Variants in CCSAP observed in about 807,000 individuals in gnomAD.
CCSAP encodes centriole, cilia and spindle-associated protein.
A neutral mutation model predicts 25.9 loss-of-function variants in CCSAP; 17 were observed. The ratio of observed to expected loss-of-function variants is 0.66; its 90% CI spans 0.45 to 0.99. CCSAP has a LOEUF of 0.99. CCSAP is among the 50% of genes least tolerant of loss of function. The probability of loss-of-function intolerance (pLI) is 0.00; values close to 1 mark genes in which losing one functional copy is unlikely to be tolerated. For synonymous variants in CCSAP, 169 were observed against 157.1 expected (o/e 1.08, Z -0.57); for missense variants, 339 against 367.8 (o/e 0.92, Z 0.64).
In CCSAP at chr1:229,326,901, A is replaced by T. The variant is rs748419508; in HGVS notation, c.473T>A (p.Leu158Ter). The part of the protein sequence containing the change: ...STEPRQQPSA[L>*]FARGNRKAVK... ...CGCTTTCCTGTTTCCTCTAGCAAATAAGGCACTTGGTTGCTGTCGAGGCTC... is the reference window on the plus strand; with the variant it reads ...CGCTTTCCTGTTTCCTCTAGCAAATTAGGCACTTGGTTGCTGTCGAGGCTC... Residue 158 changes from leucine (L) to a stop codon, truncating the protein, a stop_gained, in exon 3 of 4, where the codon TTA becomes TAA. Coordinates refer to ENST00000284617, the MANE Select transcript of CCSAP (RefSeq NM_145257.5). LOFTEE classifies it high-confidence loss of function. The T allele has an allele frequency of 6.2e-7, 1 of 1,614,166 alleles. No homozygotes were observed. The highest frequency in any genetic ancestry group is 8.5e-7 in the Non-Finnish European group (1 of 1,180,026).
rs1657883043 is a variant in CCSAP, at chr1:229,323,952, T to G, written c.*1283A>C. Reference sequence around the variant, plus strand: ...CTTAGCACATATCCTTCTAGCAGATTCTTGTCTCCACAGGATGGAGAAGAC... The same window carrying G: ...CTTAGCACATATCCTTCTAGCAGATGCTTGTCTCCACAGGATGGAGAAGAC... On this transcript the variant is annotated 3_prime_UTR_variant, in exon 4 of 4. Coordinates refer to ENST00000284617, the MANE Select transcript of CCSAP (RefSeq NM_145257.5). 1 of 152,506 alleles carries G rather than the reference T, an allele frequency of 6.6e-6. No individual in the cohort carries two copies. Among genetic ancestry groups the G allele is most frequent in the Non-Finnish European group, 1.5e-5 (1 of 68,040 alleles). 9.4% of individuals were successfully genotyped at this position (152,506 alleles called of 1,614,324 possible). A position where few individuals can be genotyped will look rare whatever the true frequency, so the allele number is the denominator to read the frequency against.
At chr1:229,339,491 G>C (rs182472130) in intron 2 of CCSAP, among the ~76,000 whole-genome samples, 42 of 152,264 alleles carry the variant, frequency 2.8e-4, no homozygotes, top group Admixed American at 1.8e-3. Flanking sequence ...ATCCTTTCTT[G>C]GGAATCTACT....
intron 2 of CCSAP, among the ~76,000 whole-genome samples, chr1:229,331,125 C>A (rs1429300492): frequency 1.3e-5 from 2 of 152,116 alleles, no homozygotes; most frequent in Admixed American, 6.5e-5. Flanking sequence ...AGGTACCCAA[C>A]ACAAAAACTA....
At chr1:229,330,222 C>G (rs1658035356) in intron 2 of CCSAP, among the ~76,000 whole-genome samples, 1 of 152,142 alleles carries the variant, frequency 6.6e-6, no homozygotes, top group Non-Finnish European at 1.5e-5. Context: ...AGTGGATGGT[C>G]ATGCTGTCCT....
At chr1:229,340,361 T>C (rs1249844052) in intron 2 of CCSAP, 1 of 714,844 alleles carries the variant, frequency 1.4e-6, no homozygotes, top group Non-Finnish European at 2.6e-6. Flanking sequence ...GAGGACGCTA[T>C]ATTTAAGGAA....
Position 229,342,070 on chromosome 1 carries a change from C to A in CCSAP, c.367+29G>T. On this transcript the variant is annotated intron_variant, in intron 2 of 3. Transcript: ENST00000284617. This position sits in a 1 kb window ranked among gnomAD's most constrained non-coding sequence, Gnocchi z 7.5. ...AGAGCAAACCGTCCCTGCGTGCAGG[C>A]CCCTCGCGCTCCCCTCCGGGCCGGG... The A allele has an allele frequency of 2.3e-6, 3 of 1,320,166 alleles. No homozygotes were observed. Among genetic ancestry groups the A allele is most frequent in the Non-Finnish European group, 2.9e-6 (3 of 1,037,546 alleles). The allele number at this position is 1,320,166 out of a possible 1,614,324, so 81.8% of individuals were successfully genotyped here. A position where few individuals can be genotyped will look rare whatever the true frequency, so the allele number is the denominator to read the frequency against.
At position 229,321,908 on chromosome 1, in the gene CCSAP, CATT is replaced by C. The variant is rs1242413116; in HGVS notation, c.*3324_*3326del. 6.6e-6 allele frequency: 1 copy of C among 152,008 alleles called. No homozygotes were observed. The allele number at this position is 152,008 out of a possible 1,614,324, so 9.4% of individuals were successfully genotyped here. On this transcript the variant is annotated 3_prime_UTR_variant, in exon 4 of 4. Coordinates refer to ENST00000284617, the MANE Select transcript of CCSAP (RefSeq NM_145257.5). Reference sequence around the variant, plus strand: ...CATGTACAGGCTTTTTTTTCCTTGTCATTATTCCCTAAACAATATAGTATAACA... The same window carrying C: ...CATGTACAGGCTTTTTTTTCCTTGTCATTCCCTAAACAATATAGTATAACA...
rs754978160 is a variant in CCSAP at position 229,342,109 on chromosome 1, C to A, written c.357G>T (p.Ala119=). 11 of 1,345,490 alleles carry A rather than the reference C, an allele frequency of 8.2e-6. No individual in the cohort carries two copies. The Admixed American group carries it at 2.2e-4, about 27-fold the overall frequency. The allele number at this position is 1,345,490 out of a possible 1,614,324, so 83.3% of individuals were successfully genotyped here. ...GDAEAEDAED[A]ALPALPVKDV... Reference sequence around the variant, plus strand: ...CTCCGGGCCGGGTACCTGGCAGAGCCGCGTCCTCCGCGTCCTCGGCCTCCG... The same window carrying A: ...CTCCGGGCCGGGTACCTGGCAGAGCAGCGTCCTCCGCGTCCTCGGCCTCCG... Residue 119 remains alanine (A), a synonymous_variant, in exon 2 of 4, where the codon GCG becomes GCT. Transcript: ENST00000284617. This position sits in a 1 kb window ranked among gnomAD's most constrained non-coding sequence, Gnocchi z 7.5.
chr1:229,333,388 G>A (rs569367493), intron 2 of CCSAP, among the ~76,000 whole-genome samples: 20 of 137,746 alleles, frequency 1.5e-4, no homozygotes, highest in Non-Finnish European at 2.7e-4. Context: ...AGCCGAGATC[G>A]CGCCACTGCA....
chr1:229,333,957 C>A (rs546886922), intron 2 of CCSAP, among the ~76,000 whole-genome samples: 6 of 152,272 alleles, frequency 3.9e-5, no homozygotes, highest in Non-Finnish European at 8.8e-5. Flanking sequence ...TATTTCAGCA[C>A]CATTTTCCAA....
In CCSAP at chr1:229,342,391, C is replaced by G. The variant is rs748894195; in HGVS notation, c.75G>C (p.Pro25=). 2.0e-6 allele frequency: 3 copies of G among 1,498,140 alleles called. No individual in the cohort carries two copies. Among genetic ancestry groups the G allele is most frequent in the Non-Finnish European group, 8.9e-7 (1 of 1,121,148 alleles). 92.8% of individuals were successfully genotyped at this position (1,498,140 alleles called of 1,614,324 possible). A position where few individuals can be genotyped will look rare whatever the true frequency, so the allele number is the denominator to read the frequency against. Residue 25 remains proline (P), a synonymous_variant, in exon 2 of 4, where the codon CCG becomes CCC. Coordinates refer to ENST00000284617, the MANE Select transcript of CCSAP (RefSeq NM_145257.5). This position sits in a 1 kb window ranked among gnomAD's most constrained non-coding sequence, Gnocchi z 7.5. ...YQEPRWEEYG[P]CYRELLHYRL... is the part of the protein sequence containing the mutation. ...GGTAGTGCAGCAGCTCGCGGTAGCA[C>G]GGCCCGTACTCCTCCCAGCGCGGCT...
chr1:229,332,231 G>A (rs1558250628), intron 2 of CCSAP, among the ~76,000 whole-genome samples: 1 of 152,146 alleles, frequency 6.6e-6, no homozygotes, highest in Admixed American at 6.5e-5. Flanking sequence ...ACCTAAACGG[G>A]GATAATGGGA....
At chr1:229,339,158 AGTTT>A in intron 2 of CCSAP, among the ~76,000 whole-genome samples, 1 of 152,142 alleles carries the variant, frequency 6.6e-6, no homozygotes, top group South Asian at 2.1e-4. Flanking sequence ...TAAAAACATG[AGTTT>A]GTCTATAAAG....
At chr1:229,331,584 C>T (rs1276815600) in intron 2 of CCSAP, among the ~76,000 whole-genome samples, 1 of 151,862 alleles carries the variant, frequency 6.6e-6, no homozygotes, top group African/African-American at 2.4e-5. Context: ...GTGTGTTAAA[C>T]CTCAGGGGCA....
At position 229,324,104 on chromosome 1, in the gene CCSAP, T is replaced by A. The variant is rs1657886277; in HGVS notation, c.*1131A>T. ...ACCCACACACCACCATTCTCTCCCA[T>A]TAAAGTGTAGATAAGATCTACTGGC... On this transcript the variant is annotated 3_prime_UTR_variant, in exon 4 of 4. Coordinates refer to ENST00000284617, the MANE Select transcript of CCSAP (RefSeq NM_145257.5). 6.6e-6 allele frequency: 1 copy of A among 152,602 alleles called. No homozygotes were observed. Among genetic ancestry groups the A allele is most frequent in the African/African-American group, 2.4e-5 (1 of 41,446 alleles). The allele number at this position is 152,602 out of a possible 1,614,324, so 9.5% of individuals were successfully genotyped here. A position where few individuals can be genotyped will look rare whatever the true frequency, so the allele number is the denominator to read the frequency against.
intron 2 of CCSAP, among the ~76,000 whole-genome samples, chr1:229,336,447 C>T (rs1381549620): frequency 6.6e-6 from 1 of 152,148 alleles, no homozygotes; most frequent in Non-Finnish European, 1.5e-5. Context: ...CCTTCCTCCA[C>T]CTCTGTTCCC....
At chr1:229,338,751 G>A (rs238079) in intron 2 of CCSAP, among the ~76,000 whole-genome samples, 131,226 of 152,186 alleles carry the variant, frequency 0.86, 57,407 homozygotes, top group East Asian at 1. Flanking sequence ...GAAAACAAAC[G>A]AAAAATTCTA....
At chr1:229,330,312 C>T (rs1263882983) in intron 2 of CCSAP, among the ~76,000 whole-genome samples, 1 of 152,198 alleles carries the variant, frequency 6.6e-6, no homozygotes, top group Non-Finnish European at 1.5e-5. Flanking sequence ...GGCAGCCAGA[C>T]CTTCAACTGG....
Position 229,342,741 on chromosome 1 carries a change from A to G in CCSAP, c.-49+171T>C, listed in dbSNP as rs1405327311. 6.6e-6 allele frequency among the ~76,000 whole-genome samples: 1 copy of G among 151,676 alleles called. No homozygotes were observed. The highest frequency in any genetic ancestry group is 1.5e-5 in the Non-Finnish European group (1 of 67,860). ...GGCGCGCCGCCGAGGAGGGCTGCTC[A>G]GTGGGCGGAAGGCAGGGAGGCTGCG... On this transcript the variant is annotated intron_variant, in intron 1 of 3. Coordinates refer to ENST00000284617, the MANE Select transcript of CCSAP (RefSeq NM_145257.5). The surrounding 1 kb of genome is among the most constrained non-coding windows in gnomAD (Gnocchi z 7.5).
Sources: allele counts gnomAD v4.1 joint callset (sites outside exome capture counted in the v4.1 genomes callset), GRCh38; gene constraint gnomAD v4.1.1; non-coding constraint Gnocchi (gnomAD v3.1); transcripts MANE v1.5; gene names NCBI Gene and HGNC (gene_info 2026-07-23, HGNC 2026-07-21).